The following SNX10 variants were observed in gnomAD, a reference collection of about 807,000 sequenced individuals.
The protein encoded by SNX10 is sorting nexin 10, also known as sorting nexin-10.
Under a neutral mutation model 28.5 loss-of-function variants are expected in SNX10, and 25 were observed. That is an observed-to-expected ratio of 0.88 (90% CI 0.64 to 1.22). The LOEUF (loss-of-function observed/expected upper bound fraction) is 1.22. SNX10 is among the 50% of genes most tolerant of loss of function. The pLI, the probability that SNX10 is intolerant of heterozygous loss-of-function variation, is 0.00. For synonymous variants in SNX10, 62 were observed against 81.4 expected, an observed-to-expected ratio of 0.76 and a Z score of 1.28; for missense variants, 223 against 242.6, an observed-to-expected ratio of 0.92 and a Z score of 0.54.
At chr7:26,330,178 GGC>G (rs1787680828) in intron 1 of SNX10, among the ~76,000 whole-genome samples, 1 of 151,582 alleles carries the variant, frequency 6.6e-6, no homozygotes, top group Non-Finnish European at 1.5e-5. Flanking sequence ...GGAATGTTAG[GGC>G]TTTACTCATG....
chr7:26,346,580 C>G, intron 2 of SNX10, 114 bp downstream of exon 2: 1 of 805,024 alleles, frequency 1.2e-6, no homozygotes, highest in Non-Finnish European at 2.2e-6. Flanking sequence ...TCATGAAAGA[C>G]CAAAGGCCCA....
rs192446645 is a variant in SNX10 at position 26,344,204 on chromosome 7, G to T, written c.-23-2216G>T. ...TTTTTTTTTTTTTTTTTGAGATGAG[G>T]TCTCTCACTCAAGCTGGAGTGCAGT... is the stretch of plus-strand genomic sequence containing the variant. On this transcript the variant is annotated intron_variant, in intron 1 of 6. Coordinates refer to ENST00000338523, the MANE Select transcript of SNX10 (RefSeq NM_013322.3). Among the ~76,000 whole-genome samples the T allele has an allele frequency of 1.5e-3, 198 of 131,680 alleles. 1 individual carries two copies. The highest frequency in any genetic ancestry group is 1.1e-3 in the Non-Finnish European group (74 of 64,584). The allele number at this position is 131,680 out of a possible 152,430, so 86.4% of individuals were successfully genotyped here. A position where few individuals can be genotyped will look rare whatever the true frequency, so the allele number is the denominator to read the frequency against.
chr7:26,347,088 C>T (rs1311913612), intron 2 of SNX10, among the ~76,000 whole-genome samples: 1 of 152,226 alleles, frequency 6.6e-6, no homozygotes, highest in Non-Finnish European at 1.5e-5. Flanking sequence ...AGTGGAGAAG[C>T]AGCACAGGGG....
intron 3 of SNX10, among the ~76,000 whole-genome samples, chr7:26,363,762 ACT>A (rs56161263): frequency 0.44 from 67,253 of 151,886 alleles, 15,612 homozygotes; most frequent in Middle Eastern, 0.6. Context: ...GGAAACCAAC[ACT>A]TAGTAACTAA....
intron 1 of SNX10, among the ~76,000 whole-genome samples, chr7:26,331,412 C>T (rs189504384): frequency 8.6e-5 from 13 of 151,994 alleles, no homozygotes; most frequent in African/African-American, 3.1e-4. Context: ...ATGGTGAAAC[C>T]CTGTCTCTAC....
intron 3 of SNX10, among the ~76,000 whole-genome samples, chr7:26,362,335 G>A (rs959903196): frequency 3.3e-5 from 5 of 152,088 alleles, no homozygotes; most frequent in African/African-American, 7.2e-5. Context: ...AAAATTGTGC[G>A]TCCTTATCAC....
chr7:26,372,926 C>A lies in SNX10; in HGVS notation c.*354C>A, dbSNP rs193016518. 922 of 210,036 alleles carry A rather than the reference C, an allele frequency of 4.4e-3. 3 individuals are homozygous for A. The highest frequency in any genetic ancestry group is 6.7e-3 in the Non-Finnish European group (694 of 103,164). 13.0% of individuals were successfully genotyped at this position (210,036 alleles called of 1,614,324 possible). A position where few individuals can be genotyped will look rare whatever the true frequency, so the allele number is the denominator to read the frequency against. On this transcript the variant is annotated 3_prime_UTR_variant, in exon 7 of 7. Transcript: ENST00000338523. ...AGTAGCATTTAAAATCAAGATAGAG[C>A]ATTCCTTCTTGTATCAGTGGGGCAG...
intron 1 of SNX10, among the ~76,000 whole-genome samples, chr7:26,295,473 T>G (rs1323245490): frequency 6.6e-6 from 1 of 152,216 alleles, no homozygotes; most frequent in Non-Finnish European, 1.5e-5. Context: ...ATTCACCATT[T>G]TATTCTAATA....
At chr7:26,321,044 C>G (rs2128000306) in intron 1 of SNX10, among the ~76,000 whole-genome samples, 1 of 152,270 alleles carries the variant, frequency 6.6e-6, no homozygotes, top group South Asian at 2.1e-4. Context: ...GGATACCTGC[C>G]TAGAGGTAGG....
chr7:26,299,349 C>T (rs1218044440), intron 1 of SNX10, among the ~76,000 whole-genome samples: 1 of 152,144 alleles, frequency 6.6e-6, no homozygotes, highest in Non-Finnish European at 1.5e-5. Context: ...GCATGTGCCA[C>T]CACACTCAGC....
rs574769096 is a variant in SNX10 at position 26,309,892 on chromosome 7, C to A, written c.-24+17806C>A. The stretch of plus-strand genomic sequence containing the variant: ...TTGCAAAATTGAAGTAATAATGATA[C>A]CTGGCCTCTGGGGCCCTTACCAGGA... On this transcript the variant is annotated intron_variant, in intron 1 of 6. Transcript: ENST00000338523. Among the ~76,000 whole-genome samples the A allele has an allele frequency of 1.4e-4, 21 of 152,274 alleles. No homozygotes were observed. In the South Asian group the frequency reaches 4.4e-3, roughly 32 times the overall value.
At chr7:26,320,684 G>A (rs1050155471) in intron 1 of SNX10, among the ~76,000 whole-genome samples, 5 of 152,036 alleles carry the variant, frequency 3.3e-5, no homozygotes, top group Admixed American at 2.0e-4. Flanking sequence ...CGCCTGCCTC[G>A]GCCTCCCAAA....
chr7:26,358,619 G>T (rs1788922436), intron 2 of SNX10, among the ~76,000 whole-genome samples: 1 of 151,910 alleles, frequency 6.6e-6, no homozygotes, highest in Admixed American at 6.6e-5. Context: ...CCCGCCTGTA[G>T]TCCAGCTACT....
At chr7:26,363,984 G>C (rs1789189041) in intron 3 of SNX10, among the ~76,000 whole-genome samples, 2 of 152,152 alleles carry the variant, frequency 1.3e-5, no homozygotes, top group Non-Finnish European at 2.9e-5. Flanking sequence ...TCATTCTCTG[G>C]CTCGGACGGA....
chr7:26,332,979 T>C (rs759603408), intron 1 of SNX10, among the ~76,000 whole-genome samples: 3 of 152,222 alleles, frequency 2.0e-5, no homozygotes, highest in Non-Finnish European at 4.4e-5. Flanking sequence ...TGCTGTTGCT[T>C]TGTAGTAAGT....
rs781230915 is a variant in SNX10 at position 26,292,060 on chromosome 7, G to T, written c.-50G>T. 1.3e-5 allele frequency: 2 copies of T among 152,102 alleles called. No homozygotes were observed. Among genetic ancestry groups the T allele is most frequent in the Non-Finnish European group, 2.9e-5 (2 of 68,264 alleles). The allele number at this position is 152,102 out of a possible 1,614,324, so 9.4% of individuals were successfully genotyped here. A position where few individuals can be genotyped will look rare whatever the true frequency, so the allele number is the denominator to read the frequency against. On this transcript the variant is annotated 5_prime_UTR_variant, in exon 1 of 7. Transcript: ENST00000338523. The stretch of plus-strand genomic sequence containing the variant: ...CGCAAGCCCGGCTCGGCCCGGCCCT[G>T]CTCTGTTCTGCCCGGAGGAGCCGCC...
intron 5 of SNX10, among the ~76,000 whole-genome samples, chr7:26,371,312 C>T (rs893704337): frequency 1.6e-4 from 25 of 152,048 alleles, no homozygotes; most frequent in Admixed American, 6.5e-5. Context: ...CATGAGCTGT[C>T]GTAAACATGC....
chr7:26,327,400 G>A (rs1307824776), intron 1 of SNX10, among the ~76,000 whole-genome samples: 21 of 152,190 alleles, frequency 1.4e-4, no homozygotes, highest in Admixed American at 1.3e-3. Flanking sequence ...TTCTTTGAAC[G>A]TTAGTGTCTT....
chr7:26,340,014 T>TA (rs1328607767), intron 1 of SNX10, among the ~76,000 whole-genome samples: 4 of 152,134 alleles, frequency 2.6e-5, no homozygotes, highest in African/African-American at 9.7e-5. Flanking sequence ...GTTTTTTTTT[T>TA]AAATAATGAT....
Sources: gnomAD v4.1 joint callset for allele counts (sites outside exome capture counted in the v4.1 genomes callset) on GRCh38, gnomAD v4.1.1 for gene constraint, MANE v1.5 for transcripts, NCBI Gene and HGNC (gene_info 2026-07-23, HGNC 2026-07-21) for gene names.